The following GRID1 variants were observed in gnomAD, a reference collection of about 807,000 sequenced individuals.
The protein encoded by GRID1 is glutamate ionotropic receptor delta type subunit 1, also known as glutamate receptor ionotropic, delta-1.
In GRID1, 28 loss-of-function variants were observed where a neutral mutation model predicts 98.0. The observed-to-expected ratio is 0.29, with a 90% CI of 0.21 to 0.39. GRID1 has a LOEUF of 0.39. Among genes scored for constraint, GRID1 ranks in the 10% least tolerant of loss-of-function variants. The probability of loss-of-function intolerance (pLI) is 1.00; values close to 1 mark genes in which losing one functional copy is unlikely to be tolerated. For synonymous variants in GRID1, 553 were observed against 538.5 expected, an observed-to-expected ratio of 1.03 and a Z score of -0.37; for missense variants, 1,111 against 1,340.5, an observed-to-expected ratio of 0.83 and a Z score of 2.67.
chr10:85,989,035 A>G (rs573929627), intron 4 of GRID1, among the ~76,000 whole-genome samples: 1 of 152,268 alleles, frequency 6.6e-6, no homozygotes, highest in South Asian at 2.1e-4. Context: ...GAAACAGGAG[A>G]GGCGGATTAC....
intron 2 of GRID1, among the ~76,000 whole-genome samples, chr10:86,241,068 G>A (rs1160286690): frequency 6.6e-6 from 1 of 152,240 alleles, no homozygotes; most frequent in Non-Finnish European, 1.5e-5. Context: ...GGTCTGGGGA[G>A]AAGCCACCAT....
At chr10:85,687,857 T>G (rs567012802) in intron 12 of GRID1, among the ~76,000 whole-genome samples, 1 of 152,240 alleles carries the variant, frequency 6.6e-6, no homozygotes, top group South Asian at 2.1e-4. Flanking sequence ...AATGTGTGTT[T>G]TGGGGGAGAG....
Position 86,071,443 on chromosome 10 carries a change from T to G in GRID1, c.726+67376A>C, listed in dbSNP as rs534572264. Among the ~76,000 whole-genome samples, 7 of 152,320 alleles carry G rather than the reference T, an allele frequency of 4.6e-5. No homozygotes were observed. In the South Asian group the frequency reaches 1.0e-3, roughly 23 times the overall value. ...CTGGTCCATCATCCACAAAACTGCG[T>G]CCACAATACTCTCACAGGTGCAACG... On this transcript the variant is annotated intron_variant, in intron 4 of 15. Transcript: ENST00000327946.
At chr10:85,613,255 C>T in intron 15 of GRID1, 152 bp downstream of exon 15, 1 of 764,400 alleles carries the variant, frequency 1.3e-6, no homozygotes, top group Non-Finnish European at 2.1e-6. Flanking sequence ...CAAAATAAAA[C>T]AATAACAAAA....
At chr10:86,007,818 GTTTT>G (rs1305190274) in intron 4 of GRID1, among the ~76,000 whole-genome samples, 93 of 136,380 alleles carry the variant, frequency 6.8e-4, no homozygotes, top group Middle Eastern at 3.6e-3. Context: ...TGTTTTTTGT[GTTTT>G]TTTATTTATT....
chr10:85,811,173 G>A (rs1842667688), intron 8 of GRID1, among the ~76,000 whole-genome samples: 1 of 152,084 alleles, frequency 6.6e-6, no homozygotes. Context: ...ACTACTTTAT[G>A]TACCAAGAAC....
At chr10:86,175,152 C>T (rs937003021) in intron 3 of GRID1, among the ~76,000 whole-genome samples, 14 of 152,050 alleles carry the variant, frequency 9.2e-5, no homozygotes, top group Non-Finnish European at 1.3e-4. Context: ...TGTGAATATG[C>T]GTGGCAGGGG....
intron 8 of GRID1, among the ~76,000 whole-genome samples, chr10:85,770,501 A>T (rs1471875424): frequency 1.3e-5 from 2 of 152,234 alleles, no homozygotes; most frequent in African/African-American, 2.4e-5. Flanking sequence ...TTGAGAGAAG[A>T]AGGCTTCAGA....
intron 8 of GRID1, among the ~76,000 whole-genome samples, chr10:85,773,735 GA>G (rs1842298582): frequency 6.6e-6 from 1 of 152,144 alleles, no homozygotes; most frequent in African/African-American, 2.4e-5. Context: ...TTGCTTCAAA[GA>G]GAATAAAATA....
intron 8 of GRID1, among the ~76,000 whole-genome samples, chr10:85,751,702 G>A (rs113161339): frequency 1.4e-3 from 217 of 152,108 alleles, no homozygotes; most frequent in African/African-American, 4.9e-3. Flanking sequence ...TTATACATGT[G>A]TGCACACATA....
At chr10:86,017,987 G>A (rs1434329292) in intron 4 of GRID1, among the ~76,000 whole-genome samples, 4 of 152,142 alleles carry the variant, frequency 2.6e-5, no homozygotes, top group Admixed American at 1.3e-4. Flanking sequence ...CAGATTTCCT[G>A]TGCCACGTCC....
intron 4 of GRID1, among the ~76,000 whole-genome samples, chr10:85,990,850 TA>T (rs1842671155): frequency 6.6e-6 from 1 of 151,818 alleles, no homozygotes; most frequent in African/African-American, 2.4e-5. Context: ...ACCAATAGAA[TA>T]AAAATATAAA....
At chr10:85,729,904 A>G (rs1449469426) in intron 8 of GRID1, among the ~76,000 whole-genome samples, 1 of 152,200 alleles carries the variant, frequency 6.6e-6, no homozygotes, top group Non-Finnish European at 1.5e-5. Flanking sequence ...GTCCAGTTTT[A>G]TTCTGTTCAC....
intron 3 of GRID1, among the ~76,000 whole-genome samples, chr10:86,182,010 C>T (rs888165121): frequency 6.6e-6 from 1 of 152,078 alleles, no homozygotes; most frequent in Non-Finnish European, 1.5e-5. Context: ...TGGCATGGAG[C>T]AAACAACAAA....
intron 8 of GRID1, among the ~76,000 whole-genome samples, chr10:85,783,650 A>G (rs1842400423): frequency 6.6e-6 from 1 of 152,226 alleles, no homozygotes; most frequent in Non-Finnish European, 1.5e-5. Flanking sequence ...TCCTTGTGTC[A>G]TGAGGTGAGC....
chr10:86,079,297 C>T (rs575135889), intron 4 of GRID1, among the ~76,000 whole-genome samples: 5 of 152,240 alleles, frequency 3.3e-5, no homozygotes, highest in South Asian at 2.1e-4. Flanking sequence ...AACACAGTTC[C>T]GAAAAGGAAT....
At chr10:85,648,366 C>T (rs1273031994) in intron 12 of GRID1, among the ~76,000 whole-genome samples, 2 of 152,170 alleles carry the variant, frequency 1.3e-5, no homozygotes, top group African/African-American at 2.4e-5. Flanking sequence ...GACAGAACGT[C>T]ATGTACCAAA....
At chr10:86,351,622 GA>G (rs1848462879) in intron 2 of GRID1, among the ~76,000 whole-genome samples, 1 of 152,236 alleles carries the variant, frequency 6.6e-6, no homozygotes, top group African/African-American at 2.4e-5. Flanking sequence ...AGGGGTGTCT[GA>G]TGCACCCCCT....
intron 3 of GRID1, among the ~76,000 whole-genome samples, chr10:86,184,429 C>G (rs1267412064): frequency 1.3e-5 from 2 of 148,170 alleles, no homozygotes; most frequent in East Asian, 2.0e-4. Flanking sequence ...TTTTTACATA[C>G]AGGCAAGGTG....
Sources: gnomAD v4.1 joint callset for allele counts (sites outside exome capture counted in the v4.1 genomes callset) on GRCh38, gnomAD v4.1.1 for gene constraint, MANE v1.5 for transcripts, NCBI Gene and HGNC (gene_info 2026-07-23, HGNC 2026-07-21) for gene names.